The following L3MBTL4 variants were observed in gnomAD, a reference collection of about 807,000 sequenced individuals.
L3MBTL4 encodes the protein lethal(3)malignant brain tumor-like protein 4.
L3MBTL4 carries 70 observed loss-of-function variants against 84.5 expected under a neutral mutation model. That is an observed-to-expected ratio of 0.83 (90% CI 0.68 to 1.01). L3MBTL4 has a LOEUF of 1.01. Ranked by LOEUF, L3MBTL4 falls within the 50% of genes least tolerant of loss-of-function variation. The pLI, the probability that L3MBTL4 is intolerant of heterozygous loss-of-function variation, is 0.00. For synonymous variants in L3MBTL4, 274 were observed against 259.8 expected, an observed-to-expected ratio of 1.05 and a Z score of -0.52; for missense variants, 715 against 754.8, an observed-to-expected ratio of 0.95 and a Z score of 0.62.
At chr18:6,294,932 T>C (rs772183386) in intron 4 of L3MBTL4, among the ~76,000 whole-genome samples, 24 of 152,152 alleles carry the variant, frequency 1.6e-4, no homozygotes, top group Non-Finnish European at 2.9e-4. Context: ...GTGTTTGCTT[T>C]CATATATTAA....
intron 1 of L3MBTL4, among the ~76,000 whole-genome samples, chr18:6,377,912 T>C (rs963280860): frequency 6.6e-5 from 10 of 152,226 alleles, no homozygotes; most frequent in African/African-American, 1.7e-4. Context: ...TCCACAATAG[T>C]TGAACTAATT....
chr18:6,385,250 T>C (rs1047602532), intron 1 of L3MBTL4, among the ~76,000 whole-genome samples: 1 of 151,492 alleles, frequency 6.6e-6, no homozygotes, highest in African/African-American at 2.4e-5. Context: ...AAATATATAG[T>C]ATTTGGCTGA....
intron 1 of L3MBTL4, among the ~76,000 whole-genome samples, chr18:6,347,591 A>G (rs2052975599): frequency 6.6e-6 from 1 of 151,826 alleles, no homozygotes. Flanking sequence ...CAAAAAACCA[A>G]CTGACATAAA....
chr18:6,228,755 A>C (rs184886818), intron 10 of L3MBTL4, among the ~76,000 whole-genome samples: 49 of 152,228 alleles, frequency 3.2e-4, no homozygotes, highest in African/African-American at 8.7e-4. Flanking sequence ...CATCATGGAG[A>C]TGCGGGGAGA....
At chr18:6,051,620 G>A (rs964939652) in intron 16 of L3MBTL4, among the ~76,000 whole-genome samples, 13 of 152,096 alleles carry the variant, frequency 8.5e-5, no homozygotes, top group East Asian at 1.9e-4. Flanking sequence ...GGATGATTGC[G>A]GCCCTTTCTT....
At chr18:6,275,861 C>A (rs564118649) in intron 4 of L3MBTL4, among the ~76,000 whole-genome samples, 1 of 152,182 alleles carries the variant, frequency 6.6e-6, no homozygotes, top group African/African-American at 2.4e-5. Context: ...AAACTCAGGA[C>A]CCCACAATCA....
chr18:6,322,795 ATAGT>A (rs963982705), intron 1 of L3MBTL4, among the ~76,000 whole-genome samples: 4 of 152,152 alleles, frequency 2.6e-5, no homozygotes, highest in Admixed American at 2.6e-4. Flanking sequence ...GTACCAAAAA[ATAGT>A]TAGAAAGAAT....
chr18:5,967,013 C>T, intron 17 of L3MBTL4, among the ~76,000 whole-genome samples: 1 of 152,196 alleles, frequency 6.6e-6, no homozygotes, highest in Non-Finnish European at 1.5e-5. Context: ...CTGGGTGTCT[C>T]CTTCTCATCC....
rs192394538 is a variant in L3MBTL4, at chr18:6,142,046, G to A, written c.1097-3750C>T. Among the ~76,000 whole-genome samples the A allele has an allele frequency of 7.9e-5, 12 of 152,264 alleles. No individual in the cohort carries two copies. The East Asian group carries it at 1.9e-3, about 25-fold the overall frequency. On this transcript the variant is annotated intron_variant, in intron 13 of 18. Transcript: ENST00000317931. The stretch of plus-strand genomic sequence containing the variant: ...AAGAACATTCCACTGTGTCCCCTTG[G>A]ATAACTTCTTATTATCTTTCACATC...
chr18:6,036,470 G>T (rs1482455902), intron 16 of L3MBTL4, among the ~76,000 whole-genome samples: 2 of 151,578 alleles, frequency 1.3e-5, no homozygotes, highest in African/African-American at 4.8e-5. Flanking sequence ...TTTCTTTTTA[G>T]GTTTTCTATT....
chr18:6,158,462 G>A (rs185917974), intron 13 of L3MBTL4, among the ~76,000 whole-genome samples: 1 of 152,278 alleles, frequency 6.6e-6, no homozygotes, highest in East Asian at 1.9e-4. Flanking sequence ...GGTGGAAAGA[G>A]TTTGTGTTCA....
At chr18:6,154,678 A>G (rs7243422) in intron 13 of L3MBTL4, among the ~76,000 whole-genome samples, 72,368 of 152,082 alleles carry the variant, frequency 0.48, 18,179 homozygotes, top group African/African-American at 0.63. Context: ...TGTACAGTTC[A>G]GTGATGGAGG....
chr18:6,114,298 T>C (rs1024702148), intron 14 of L3MBTL4, among the ~76,000 whole-genome samples: 11 of 152,192 alleles, frequency 7.2e-5, no homozygotes, highest in Non-Finnish European at 4.4e-5. Context: ...GTTGGCTGAC[T>C]CCACTAATAT....
At chr18:6,015,336 C>T (rs559842888) in intron 16 of L3MBTL4, among the ~76,000 whole-genome samples, 1 of 151,950 alleles carries the variant, frequency 6.6e-6, no homozygotes, top group African/African-American at 2.4e-5. Flanking sequence ...GCCAGAAGGA[C>T]ATGGTGTTTG....
intron 1 of L3MBTL4, among the ~76,000 whole-genome samples, chr18:6,349,529 C>T (rs1019136066): frequency 4.6e-5 from 7 of 152,058 alleles, no homozygotes; most frequent in Non-Finnish European, 1.0e-4. Flanking sequence ...AGATCGAGAC[C>T]AGCCCGAGCA....
chr18:6,382,740 T>C (rs931667629), intron 1 of L3MBTL4, among the ~76,000 whole-genome samples: 5 of 152,266 alleles, frequency 3.3e-5, no homozygotes, highest in Non-Finnish European at 1.5e-5. Flanking sequence ...CTGTATGAGG[T>C]GTCTATCGGT....
intron 1 of L3MBTL4, among the ~76,000 whole-genome samples, chr18:6,365,017 T>C (rs2144086017): frequency 6.6e-6 from 1 of 152,266 alleles, no homozygotes; most frequent in East Asian, 1.9e-4. Context: ...GCTTTCAAAT[T>C]AAATAAAATG....
chr18:6,092,186 G>A (rs1158123960), intron 15 of L3MBTL4, among the ~76,000 whole-genome samples: 1 of 152,196 alleles, frequency 6.6e-6, no homozygotes, highest in Non-Finnish European at 1.5e-5. Flanking sequence ...CAGAGATCAA[G>A]TCAAAATATT....
At chr18:6,209,609 A>G (rs1042546168) in intron 12 of L3MBTL4, among the ~76,000 whole-genome samples, 12 of 152,190 alleles carry the variant, frequency 7.9e-5, no homozygotes, top group African/African-American at 2.9e-4. Context: ...TCTGAAATAT[A>G]GAGTTATCAT....
Sources: allele counts gnomAD v4.1 joint callset (sites outside exome capture counted in the v4.1 genomes callset), GRCh38; gene constraint gnomAD v4.1.1; transcripts MANE v1.5; gene names NCBI Gene and HGNC (gene_info 2026-07-23, HGNC 2026-07-21).